CSMD1: variants seen among roughly 807,000 people sequenced by gnomAD.
CSMD1 encodes the protein CUB and sushi domain-containing protein 1.
CSMD1 carries 213 observed loss-of-function variants against 417.5 expected under a neutral mutation model. The ratio of observed to expected loss-of-function variants is 0.51; its 90% CI spans 0.46 to 0.57. The LOEUF (loss-of-function observed/expected upper bound fraction) is 0.57, where lower values mean the gene tolerates loss of function less well. Among genes scored for constraint, CSMD1 ranks in the 20% least tolerant of loss-of-function variants. The pLI, the probability that CSMD1 is intolerant of heterozygous loss-of-function variation, is 0.00. For synonymous variants in CSMD1, 2,862 were observed against 1,736.8 expected (o/e 1.65, Z -16.11); for missense variants, 6,923 against 4,529.7 (o/e 1.53, Z -15.17).
At chr8:4,658,067 A>G (rs1335213096) in intron 1 of CSMD1, among the ~76,000 whole-genome samples, 1 of 152,084 alleles carries the variant, frequency 6.6e-6, no homozygotes, top group Non-Finnish European at 1.5e-5. Flanking sequence ...GAAGGGAAAA[A>G]GAAGGGAAAA....
At chr8:4,806,203 C>T (rs1798576229) in intron 1 of CSMD1, among the ~76,000 whole-genome samples, 1 of 152,192 alleles carries the variant, frequency 6.6e-6, no homozygotes, top group Admixed American at 6.5e-5. Context: ...TAGACAACCA[C>T]CAGCTCTCTA....
intron 7 of CSMD1, among the ~76,000 whole-genome samples, chr8:3,639,429 A>G (rs1585002271): frequency 6.6e-6 from 1 of 152,242 alleles, no homozygotes; most frequent in Admixed American, 6.5e-5. Context: ...TTATGCTGAA[A>G]AAACATCCTT....
intron 5 of CSMD1, among the ~76,000 whole-genome samples, chr8:3,778,746 G>A (rs1473775684): frequency 6.6e-6 from 1 of 152,158 alleles, no homozygotes. Context: ...TGGAAATCAG[G>A]TTACAAATAA....
rs529950938 is a variant in CSMD1 at position 4,699,317 on chromosome 8, T to C, written c.86-61759A>G. Among the ~76,000 whole-genome samples, 4 of 152,346 alleles carry C rather than the reference T, an allele frequency of 2.6e-5. No individual in the cohort carries two copies. In the East Asian group the frequency reaches 5.8e-4, roughly 22 times the overall value. On this transcript the variant is annotated intron_variant, in intron 1 of 69. Transcript: ENST00000635120. ...CTCTGTTTCTAGCAGAGTGCTTTAC[T>C]TCTCTTAATACTGCATAAGAAAATT...
chr8:3,212,365 C>T (rs1456507071), intron 30 of CSMD1, among the ~76,000 whole-genome samples: 4 of 151,992 alleles, frequency 2.6e-5, no homozygotes, highest in African/African-American at 9.7e-5. Flanking sequence ...CAAAAAATAA[C>T]GTTCTTCCTC....
intron 3 of CSMD1, among the ~76,000 whole-genome samples, chr8:4,346,156 T>G (rs1465443812): frequency 6.6e-6 from 1 of 152,170 alleles, no homozygotes; most frequent in Non-Finnish European, 1.5e-5. Context: ...TCCATGCTGG[T>G]CAACTATGGT....
At chr8:4,194,557 C>A (rs910056563) in intron 3 of CSMD1, among the ~76,000 whole-genome samples, 5 of 152,094 alleles carry the variant, frequency 3.3e-5, no homozygotes, top group African/African-American at 9.7e-5. Flanking sequence ...TTGGCAACAG[C>A]AAATAAAAAG....
intron 1 of CSMD1, among the ~76,000 whole-genome samples, chr8:4,951,238 C>G (rs950505889): frequency 6.6e-6 from 1 of 152,102 alleles, no homozygotes; most frequent in Admixed American, 6.6e-5. Flanking sequence ...AAGAAACTGT[C>G]TCTTTCCTGT....
intron 1 of CSMD1, among the ~76,000 whole-genome samples, chr8:4,883,377 C>T (rs753159462): frequency 1.6e-4 from 24 of 151,920 alleles, no homozygotes; most frequent in Admixed American, 4.6e-4. Flanking sequence ...TTAAATAATA[C>T]GTTTCAGTGG....
intron 3 of CSMD1, among the ~76,000 whole-genome samples, chr8:4,234,706 C>A (rs997563984): frequency 6.6e-6 from 1 of 152,120 alleles, no homozygotes; most frequent in African/African-American, 2.4e-5. Context: ...GTGTGGTGTA[C>A]GGCCACACGG....
chr8:3,979,169 G>C (rs1813663640), intron 5 of CSMD1, among the ~76,000 whole-genome samples: 1 of 152,192 alleles, frequency 6.6e-6, no homozygotes, highest in African/African-American at 2.4e-5. Flanking sequence ...CAACACCTGT[G>C]AGATCTTAGC....
chr8:2,962,441 C>A, intron 61 of CSMD1, 25 bp downstream of exon 61: 1 of 1,602,580 alleles, frequency 6.2e-7, no homozygotes, highest in Non-Finnish European at 8.5e-7. Context: ...CCCAGGTATC[C>A]CCAGAGCTGT....
At chr8:3,680,065 T>G (rs555094643) in intron 7 of CSMD1, among the ~76,000 whole-genome samples, 52 of 152,036 alleles carry the variant, frequency 3.4e-4, no homozygotes, top group African/African-American at 1.2e-3. Context: ...TAACACTAAA[T>G]GCCCACAAGA....
chr8:3,534,407 G>C (rs1456159638), intron 10 of CSMD1, among the ~76,000 whole-genome samples: 1 of 150,912 alleles, frequency 6.6e-6, no homozygotes, highest in Non-Finnish European at 1.5e-5. Context: ...AATGCCTCTT[G>C]ATCTTCTCTC....
intron 1 of CSMD1, among the ~76,000 whole-genome samples, chr8:4,948,717 G>A (rs1373126132): frequency 6.6e-6 from 1 of 151,956 alleles, no homozygotes; most frequent in East Asian, 1.9e-4. Flanking sequence ...AATTTTCTAT[G>A]TAGGCATCTG....
At chr8:4,831,000 T>C (rs1479508122) in intron 1 of CSMD1, among the ~76,000 whole-genome samples, 1 of 152,224 alleles carries the variant, frequency 6.6e-6, no homozygotes, top group African/African-American at 2.4e-5. Flanking sequence ...CCCTTCATTT[T>C]AAGGGCTGCA....
intron 49 of CSMD1, among the ~76,000 whole-genome samples, chr8:3,075,920 G>C (rs866414812): frequency 6.6e-6 from 1 of 151,444 alleles, no homozygotes; most frequent in Non-Finnish European, 1.5e-5. Context: ...GCGTGGTGGC[G>C]GGCGCCTGTA....
chr8:4,025,521 T>A (rs1797015141), intron 4 of CSMD1, among the ~76,000 whole-genome samples: 1 of 152,216 alleles, frequency 6.6e-6, no homozygotes, highest in Admixed American at 6.5e-5. Flanking sequence ...ATTGAAACTA[T>A]CTAGCTGCTT....
intron 10 of CSMD1, among the ~76,000 whole-genome samples, chr8:3,511,151 G>T (rs889438706): frequency 6.6e-6 from 1 of 151,784 alleles, no homozygotes; most frequent in Non-Finnish European, 1.5e-5. Context: ...AACACTGCAT[G>T]TTCTCAGTAA....
Sources: gnomAD v4.1 joint callset for allele counts (sites outside exome capture counted in the v4.1 genomes callset) on GRCh38, gnomAD v4.1.1 for gene constraint, MANE v1.5 for transcripts, NCBI Gene and HGNC (gene_info 2026-07-23, HGNC 2026-07-21) for gene names.